Variants in RPH3A observed in about 807,000 individuals in gnomAD.
RPH3A encodes rabphilin 3A, also known as rabphilin-3A.
Under a neutral mutation model 102.2 loss-of-function variants are expected in RPH3A, and 48 were observed. That is an observed-to-expected ratio of 0.47 (90% CI 0.37 to 0.60). RPH3A has a LOEUF of 0.60. RPH3A is among the 20% of genes least tolerant of loss of function. RPH3A has a pLI of 0.00. For synonymous variants in RPH3A, 310 were observed against 324.3 expected (o/e 0.96, Z 0.47); for missense variants, 781 against 910.1 (o/e 0.86, Z 1.83).
intron 19 of RPH3A, among the ~76,000 whole-genome samples, chr12:112,891,658 G>A (rs927104513): frequency 6.6e-6 from 1 of 152,208 alleles, no homozygotes; most frequent in Non-Finnish European, 1.5e-5. Context: ...AAGCATTCCA[G>A]ATACAAGTTC....
At chr12:112,784,202 A>G (rs189268311) in intron 1 of RPH3A, among the ~76,000 whole-genome samples, 61 of 152,220 alleles carry the variant, frequency 4.0e-4, no homozygotes, top group African/African-American at 1.4e-3. Flanking sequence ...CATCCTTAAT[A>G]CCTTACTGGT....
At chr12:112,738,589 T>C (rs1008276563) in intron 1 of RPH3A, among the ~76,000 whole-genome samples, 3 of 152,114 alleles carry the variant, frequency 2.0e-5, no homozygotes, top group Non-Finnish European at 4.4e-5. Context: ...CACCACTGCA[T>C]GGGTGTAGAA....
chr12:112,806,864 C>T (rs1422277346), intron 2 of RPH3A, among the ~76,000 whole-genome samples: 1 of 151,970 alleles, frequency 6.6e-6, no homozygotes, highest in Non-Finnish European at 1.5e-5. Flanking sequence ...AAGAGAGGGG[C>T]ACAATTCACA....
intron 1 of RPH3A, among the ~76,000 whole-genome samples, chr12:112,684,181 T>C (rs543890196): frequency 1.9e-4 from 29 of 152,314 alleles, no homozygotes; most frequent in African/African-American, 7.0e-4. Flanking sequence ...ACATTCCAAA[T>C]TGCGCTCCTA....
intron 1 of RPH3A, among the ~76,000 whole-genome samples, chr12:112,595,761 T>C (rs997306723): frequency 8.5e-5 from 13 of 152,216 alleles, no homozygotes; most frequent in South Asian, 2.1e-4. Context: ...TTAGTGCATA[T>C]GTGGCATCAT....
At chr12:112,678,433 T>C (rs1592939754) in intron 1 of RPH3A, among the ~76,000 whole-genome samples, 1 of 151,534 alleles carries the variant, frequency 6.6e-6, no homozygotes, top group African/African-American at 2.4e-5. Flanking sequence ...GGAAAGGATA[T>C]CTGAAACTTG....
At chr12:112,786,175 C>A (rs1410414912) in intron 1 of RPH3A, among the ~76,000 whole-genome samples, 3 of 151,932 alleles carry the variant, frequency 2.0e-5, no homozygotes, top group African/African-American at 7.3e-5. Context: ...CCTGGCAGAG[C>A]CTTGCCTGGT....
At chr12:112,871,928 A>G (rs1453721891) in intron 10 of RPH3A, among the ~76,000 whole-genome samples, 1 of 151,346 alleles carries the variant, frequency 6.6e-6, no homozygotes, top group Non-Finnish European at 1.5e-5. Flanking sequence ...TATATATACT[A>G]CATTCTGTTT....
At chr12:112,652,582 G>A (rs781684479) in intron 1 of RPH3A, among the ~76,000 whole-genome samples, 1 of 152,234 alleles carries the variant, frequency 6.6e-6, no homozygotes, top group Admixed American at 6.5e-5. Flanking sequence ...GGAGAGAACA[G>A]AGGCTCTGAT....
At chr12:112,849,858 T>C (rs1207083436) in intron 5 of RPH3A, among the ~76,000 whole-genome samples, 1 of 152,220 alleles carries the variant, frequency 6.6e-6, no homozygotes, top group Non-Finnish European at 1.5e-5. Flanking sequence ...GACTGGCTTA[T>C]GTCAGATACT....
At chr12:112,811,533 C>T (rs1173851925) in intron 2 of RPH3A, among the ~76,000 whole-genome samples, 1 of 149,322 alleles carries the variant, frequency 6.7e-6, no homozygotes, top group Non-Finnish European at 1.5e-5. Context: ...ATAGAACCCC[C>T]CCCCCAAAAA....
chr12:112,650,611 T>C (rs1378526298), intron 1 of RPH3A: 1 of 152,198 alleles, frequency 6.6e-6, no homozygotes, highest in African/African-American at 2.4e-5. Flanking sequence ...TTATGCCAGC[T>C]CTGTGAAGCA....
At chr12:112,647,135 A>G (rs2039937217) in intron 1 of RPH3A, among the ~76,000 whole-genome samples, 1 of 152,184 alleles carries the variant, frequency 6.6e-6, no homozygotes, top group Non-Finnish European at 1.5e-5. Flanking sequence ...TTTTATGTTT[A>G]ATGGACAAAA....
intron 1 of RPH3A, among the ~76,000 whole-genome samples, chr12:112,685,083 C>A (rs2040253914): frequency 6.6e-6 from 1 of 152,148 alleles, no homozygotes; most frequent in South Asian, 2.1e-4. Context: ...ACTACAGGTG[C>A]ATGCCACCAT....
intron 1 of RPH3A, among the ~76,000 whole-genome samples, chr12:112,778,844 G>A (rs2040987275): frequency 6.6e-6 from 1 of 152,192 alleles, no homozygotes; most frequent in Non-Finnish European, 1.5e-5. Context: ...TGAGCCACAT[G>A]CACTTCTTTG....
intron 1 of RPH3A, among the ~76,000 whole-genome samples, chr12:112,587,830 G>A (rs969181674): frequency 2.6e-5 from 4 of 152,178 alleles, no homozygotes; most frequent in Non-Finnish European, 2.9e-5. Flanking sequence ...GGTGCATGGT[G>A]GGGCTGAGCA....
intron 10 of RPH3A, among the ~76,000 whole-genome samples, chr12:112,871,086 T>G (rs1411178485): frequency 6.6e-6 from 1 of 152,242 alleles, no homozygotes; most frequent in Non-Finnish European, 1.5e-5. Flanking sequence ...GAATGAGAAT[T>G]AATTCCCTGT....
At chr12:112,855,816 T>C (rs543425012) in intron 5 of RPH3A, among the ~76,000 whole-genome samples, 1 of 152,006 alleles carries the variant, frequency 6.6e-6, no homozygotes, top group African/African-American at 2.4e-5. Context: ...ATCCCCCTAC[T>C]TGGCAATTAG....
chr12:112,809,544 A>C (rs1424430850), intron 2 of RPH3A, among the ~76,000 whole-genome samples: 1 of 152,170 alleles, frequency 6.6e-6, no homozygotes, highest in Non-Finnish European at 1.5e-5. Flanking sequence ...GCATATTATT[A>C]TTCCACAATA....
Sources: allele counts gnomAD v4.1 joint callset (sites outside exome capture counted in the v4.1 genomes callset), GRCh38; gene constraint gnomAD v4.1.1; transcripts MANE v1.5; gene names NCBI Gene and HGNC (gene_info 2026-07-23, HGNC 2026-07-21).